Variants in ANAPC2 observed in about 807,000 individuals in gnomAD.
ANAPC2 encodes the protein anaphase promoting complex subunit 2.
ANAPC2 carries 29 observed loss-of-function variants against 84.3 expected under a neutral mutation model. The ratio of observed to expected loss-of-function variants is 0.34; its 90% CI spans 0.26 to 0.47. The LOEUF (loss-of-function observed/expected upper bound fraction) is 0.47. ANAPC2 is among the 20% of genes least tolerant of loss of function. The pLI, the probability that ANAPC2 is intolerant of heterozygous loss-of-function variation, is 1.00. For missense variants in ANAPC2, 857 were observed against 1,131.7 expected, an observed-to-expected ratio of 0.76 and a Z score of 3.48; for synonymous variants, 571 against 479.4, an observed-to-expected ratio of 1.19 and a Z score of -2.50.
At chr9:137,181,200 G>C (rs1350867713) in intron 7 of ANAPC2, among the ~76,000 whole-genome samples, 1 of 152,254 alleles carries the variant, frequency 6.6e-6, no homozygotes, top group Non-Finnish European at 1.5e-5. Context: ...GTTTTCCTCT[G>C]AGAGAGACTA....
rs780003382 is a variant in ANAPC2, at chr9:137,175,829, C to T, written c.1899G>A (p.Arg633=). 21 of 1,605,966 alleles carry T rather than the reference C, an allele frequency of 1.3e-5. No homozygotes were observed. The South Asian group carries it at 2.3e-4, about 18-fold the overall frequency. ...CCAGGGTGTGCTTCCAACTGAGGGTCCGCATGGCCTAAGGAGGGCCAGGGT... is the reference window on the plus strand; with the variant it reads ...CCAGGGTGTGCTTCCAACTGAGGGTTCGCATGGCCTAAGGAGGGCCAGGGT... ...CKKYEQLKAM[R]TLSWKHTLGL... is the part of the protein sequence containing the mutation. The change falls in exon 11 of 13, where the codon CGG becomes CGA. Residue 633 remains arginine (R), a synonymous_variant. Coordinates refer to ENST00000323927, the MANE Select transcript of ANAPC2 (RefSeq NM_013366.4).
rs765196983 is a variant in ANAPC2 at position 137,175,015 on chromosome 9, A to G, written c.2396T>C (p.Leu799Pro). ...CTGCTGGTCCCGCACCTTCTTCTGC[A>G]GGTAGCCCTGCAGCTCCTGCAGGTC... ...EIDLQELQGY[L>P]QKKVRDQQLV... Residue 799 changes from leucine to proline, a missense_variant, in exon 13 of 13, where the codon CTG (leucine) becomes CCG (proline). Leu to Pro is a moderately conservative substitution (Grantham distance 98, BLOSUM62 -3). Around this residue, in one of 3 missense-constraint regions of ANAPC2, gnomAD observed 425 missense variants for 595.5 expected, o/e 0.71. Coordinates refer to ENST00000323927, the MANE Select transcript of ANAPC2 (RefSeq NM_013366.4). 1 of 1,604,490 alleles carries G rather than the reference A, an allele frequency of 6.2e-7. No individual in the cohort carries two copies. The highest frequency in any genetic ancestry group is 8.5e-7 in the Non-Finnish European group (1 of 1,176,476).
intron 4 of ANAPC2, 64 bp from the exon 5 acceptor site, chr9:137,183,855 A>G: frequency 1.9e-6 from 3 of 1,589,270 alleles, no homozygotes; most frequent in Admixed American, 3.4e-5. Flanking sequence ...AGGCTGGTGC[A>G]GAGTGTGTGC....
intron 7 of ANAPC2, among the ~76,000 whole-genome samples, 194 bp downstream of exon 7, chr9:137,181,487 A>G (rs1340628242): frequency 6.6e-6 from 1 of 152,186 alleles, no homozygotes; most frequent in Non-Finnish European, 1.5e-5. Flanking sequence ...GCCACAGAGG[A>G]AAACAGCCCA....
At chr9:137,186,108 G>A (rs1300343650) in intron 3 of ANAPC2, 116 bp downstream of exon 3, 23 of 1,455,618 alleles carry the variant, frequency 1.6e-5, no homozygotes, top group Admixed American at 5.8e-5. Flanking sequence ...GCCACCACCC[G>A]GTCTGGGCCC....
chr9:137,183,474 G>T, intron 5 of ANAPC2, 198 bp downstream of exon 5: 2 of 874,006 alleles, frequency 2.3e-6, no homozygotes, highest in Non-Finnish European at 1.7e-6. Flanking sequence ...GGTCAGTCCT[G>T]ACTCCCTCCA....
chr9:137,177,021 T>A (rs1834234817), intron 10 of ANAPC2: 1 of 152,120 alleles, frequency 6.6e-6, no homozygotes, highest in African/African-American at 2.4e-5. Context: ...TTGCTAGACA[T>A]GAGGTGTGAC....
chr9:137,180,455 C>T lies in ANAPC2; in HGVS notation c.1683G>A (p.Leu561=), dbSNP rs1834319850. The change falls in exon 9 of 13, where the codon CTG becomes CTA. Residue 561 remains leucine, a synonymous_variant. Transcript: ENST00000323927. ...EAPMHFCEVM[L]KDMADSRRIN... is the part of the protein sequence containing the mutation. ...AGCGGGCGGGGCTGGGACCCACCTT[C>T]AGCATGACTTCACAGAAGTGCATTG... 2 of 1,612,930 alleles carry T rather than the reference C, an allele frequency of 1.2e-6. No homozygotes were observed. The highest frequency in any genetic ancestry group is 4.5e-5 in the East Asian group (2 of 44,876).
At chr9:137,182,007 G>A (rs1055563238) in intron 6 of ANAPC2, 145 bp from the exon 7 acceptor site, 17 of 836,754 alleles carry the variant, frequency 2.0e-5, no homozygotes, top group African/African-American at 1.1e-4. Flanking sequence ...ACTAAACACA[G>A]GCCCGTCAGA....
rs368025140 is a variant in ANAPC2 at position 137,181,908 on chromosome 9, G to A, written c.1287-46C>T. 39 of 1,556,532 alleles carry A rather than the reference G, an allele frequency of 2.5e-5. No homozygotes were observed. In the East Asian group the frequency reaches 2.7e-4, roughly 11 times the overall value. On this transcript the variant is annotated intron_variant, in intron 6 of 12. Transcript: ENST00000323927. ...GTGGCCCACAGTGTGGACACCCCGC[G>A]CGCACCTCCCACCACTCATTCCAGT...
chr9:137,182,500 C>T (rs1319609208), intron 6 of ANAPC2, among the ~76,000 whole-genome samples: 3 of 151,812 alleles, frequency 2.0e-5, no homozygotes, highest in African/African-American at 7.3e-5. Context: ...AAGAGTGAGA[C>T]TCCATCTCAA....
intron 10 of ANAPC2, among the ~76,000 whole-genome samples, chr9:137,178,219 G>A (rs1218069619): frequency 6.7e-6 from 1 of 150,256 alleles, no homozygotes; most frequent in Non-Finnish European, 1.5e-5. Context: ...CACAAACGCC[G>A]CCACTGGTCA....
At chr9:137,181,561 T>C in intron 7 of ANAPC2, 120 bp downstream of exon 7, 4 of 1,161,994 alleles carry the variant, frequency 3.4e-6, no homozygotes, top group Non-Finnish European at 4.6e-6. Context: ...CCCTCAAGCC[T>C]CTGAGACACT....
At position 137,188,560 on chromosome 9, in the gene ANAPC2, C is replaced by T. The variant is rs1157575755; in HGVS notation, c.-28G>A. The T allele has an allele frequency of 1.3e-6, 2 of 1,591,432 alleles. No homozygotes were observed. The highest frequency in any genetic ancestry group is 2.7e-5 in the African/African-American group (2 of 74,042). On this transcript the variant is annotated 5_prime_UTR_variant, in exon 1 of 13. Transcript: ENST00000323927. The stretch of plus-strand genomic sequence containing the variant: ...GCACCCACCGACTCCGAGATTCGCT[C>T]GGCGCGGCGCGCGGCGATGACGCAC...
chr9:137,188,473 C>T lies in ANAPC2; in HGVS notation c.60G>A (p.Leu20=). The T allele has an allele frequency of 6.2e-7, 1 of 1,610,518 alleles. No individual in the cohort carries two copies. The highest frequency in any genetic ancestry group is 8.5e-7 in the Non-Finnish European group (1 of 1,179,522). ...TGCTCACGGTGTTCCAGGCCACTAA[C>T]AACTCCTGTCCGGGCCGGGAGTCGC... ...GDSDSRPGQE[L]LVAWNTVSTG... Residue 20 remains leucine, a synonymous_variant, in exon 1 of 13, where the codon TTG becomes TTA. Transcript: ENST00000323927.
At chr9:137,178,858 G>A (rs575133214) in intron 10 of ANAPC2, among the ~76,000 whole-genome samples, 6 of 152,316 alleles carry the variant, frequency 3.9e-5, no homozygotes, top group Admixed American at 3.3e-4. Flanking sequence ...GGGGGCCTCC[G>A]CCTGGCCCTC....
Position 137,184,972 on chromosome 9 carries a change from C to G in ANAPC2, c.989G>C (p.Arg330Thr). 1 of 1,612,478 alleles carries G rather than the reference C, an allele frequency of 6.2e-7. No individual in the cohort carries two copies. Among genetic ancestry groups the G allele is most frequent in the East Asian group, 2.2e-5 (1 of 44,860 alleles). Residue 330 changes from arginine to threonine, a missense_variant, in exon 4 of 13, where the codon AGG becomes ACG. Transcript: ENST00000323927. Reference protein sequence around the residue: ...TLRRWRCHVQRFFYRIYASLR... With the variant: ...TLRRWRCHVQTFFYRIYASLR... ...GCTGGCGTAGATGCGGTAGAAGAACCTTTGCACGTGGCAGCGCCAGCGGCG... is the reference window on the plus strand; with the variant it reads ...GCTGGCGTAGATGCGGTAGAAGAACGTTTGCACGTGGCAGCGCCAGCGGCG...
At chr9:137,175,649 C>T (rs2131328019) in intron 11 of ANAPC2, 59 bp downstream of exon 11, 2 of 1,567,594 alleles carry the variant, frequency 1.3e-6, no homozygotes, top group Non-Finnish European at 1.7e-6. Context: ...GGGAACAGCC[C>T]CTCACCCACA....
intron 10 of ANAPC2, among the ~76,000 whole-genome samples, chr9:137,179,192 G>A (rs534510836): frequency 2.6e-5 from 4 of 152,212 alleles, no homozygotes; most frequent in Non-Finnish European, 5.9e-5. Flanking sequence ...GATGCTGGCT[G>A]TGCCCCAGAA....
Sources: gnomAD v4.1 joint callset for allele counts (sites outside exome capture counted in the v4.1 genomes callset) on GRCh38, gnomAD v4.1.1 for gene constraint, gnomAD v4.1.1 regional missense constraint, MANE v1.5 for transcripts, NCBI Gene and HGNC (gene_info 2026-07-23, HGNC 2026-07-21) for gene names.